NXPE2: variants seen among roughly 807,000 people sequenced by gnomAD.
NXPE2 encodes the protein neurexophilin and PC-esterase domain family member 2.
NXPE2 carries 34 observed loss-of-function variants against 34.4 expected under a neutral mutation model. The ratio of observed to expected loss-of-function variants is 0.99; its 90% CI spans 0.75 to 1.31. The LOEUF is 1.31. Ranked by LOEUF, NXPE2 falls within the 40% of genes most tolerant of loss-of-function variation. The pLI is 0.00. For synonymous variants in NXPE2, 235 were observed against 231.3 expected, an observed-to-expected ratio of 1.02 and a Z score of -0.15; for missense variants, 649 against 672.5, an observed-to-expected ratio of 0.97 and a Z score of 0.39.
the NXPE2 span, among the ~76,000 whole-genome samples, chr11:114,639,042 T>A: frequency 6.6e-6 from 1 of 152,058 alleles, no homozygotes; most frequent in Non-Finnish European, 1.5e-5. Flanking sequence ...CTGCTGTCTT[T>A]TTGTTTGTCT....
the NXPE2 span, among the ~76,000 whole-genome samples, chr11:114,493,313 C>G: frequency 5.1e-3 from 777 of 152,196 alleles, 7 homozygotes; most frequent in African/African-American, 0.018. Flanking sequence ...CATTTACATT[C>G]AATGTTATTA....
chr11:114,479,248 C>G, the NXPE2 span, among the ~76,000 whole-genome samples: 1 of 152,084 alleles, frequency 6.6e-6, no homozygotes, highest in African/African-American at 2.4e-5. Context: ...AGCCTTTGAA[C>G]GTTTTAAAGC....
At chr11:114,710,258 G>A (rs1163742920), downstream of NXPE2, among the ~76,000 whole-genome samples, 1 of 152,022 alleles carries the variant, frequency 6.6e-6, no homozygotes, top group African/African-American at 2.4e-5. Context: ...TTAGAACAGA[G>A]ATAAAGGAAA....
chr11:114,514,302 A>G, the NXPE2 span, among the ~76,000 whole-genome samples: 2 of 152,164 alleles, frequency 1.3e-5, no homozygotes, highest in East Asian at 3.8e-4. Context: ...TGAAAGTATA[A>G]TCTTGTATTT....
the NXPE2 span, among the ~76,000 whole-genome samples, chr11:114,650,748 T>C: frequency 1.3e-5 from 2 of 151,770 alleles, no homozygotes; most frequent in Admixed American, 6.6e-5. Context: ...CAAGGCAGAG[T>C]GCGGTTGCCA....
the NXPE2 span, among the ~76,000 whole-genome samples, chr11:114,601,828 A>G: frequency 2.7e-5 from 2 of 74,478 alleles, no homozygotes; most frequent in East Asian, 8.6e-4. Context: ...TATATAATAT[A>G]TAATTATATA....
the NXPE2 span, among the ~76,000 whole-genome samples, chr11:114,607,513 C>A: frequency 6.6e-6 from 1 of 151,936 alleles, no homozygotes; most frequent in Non-Finnish European, 1.5e-5. Flanking sequence ...CTAAGTTTTG[C>A]CTGGTGGGTA....
the NXPE2 span, among the ~76,000 whole-genome samples, chr11:114,718,169 G>A: frequency 6.6e-6 from 1 of 152,258 alleles, no homozygotes; most frequent in African/African-American, 2.4e-5. Context: ...GCTCTGAATA[G>A]CCTGGATTCA....
At chr11:114,576,573 A>G in the NXPE2 span, among the ~76,000 whole-genome samples, 9 of 152,224 alleles carry the variant, frequency 5.9e-5, no homozygotes, top group African/African-American at 1.9e-4. Context: ...AGATATACAG[A>G]TGGTGAACAA....
chr11:114,693,951 G>A (rs1951200636), intron 2 of NXPE2, among the ~76,000 whole-genome samples: 1 of 152,142 alleles, frequency 6.6e-6, no homozygotes, highest in African/African-American at 2.4e-5. Context: ...GGATCTCACT[G>A]GGCTAAAATC....
chr11:114,746,196 A>G, the NXPE2 span, among the ~76,000 whole-genome samples: 1 of 151,912 alleles, frequency 6.6e-6, no homozygotes, highest in Non-Finnish European at 1.5e-5. Flanking sequence ...AATTTTTCGC[A>G]GTCATGTTGT....
chr11:114,634,617 A>T, the NXPE2 span, among the ~76,000 whole-genome samples: 4 of 151,982 alleles, frequency 2.6e-5, no homozygotes, highest in Non-Finnish European at 5.9e-5. Context: ...TAAGTCTTTA[A>T]TACATTTTGA....
upstream of NXPE2, among the ~76,000 whole-genome samples, chr11:114,677,464 A>G (rs1418897048): frequency 2.6e-5 from 4 of 152,080 alleles, no homozygotes; most frequent in Non-Finnish European, 4.4e-5. Flanking sequence ...TATAACTGTC[A>G]TAACACTGCA....
the NXPE2 span, among the ~76,000 whole-genome samples, chr11:114,755,264 G>A: frequency 1.3e-5 from 2 of 152,122 alleles, no homozygotes; most frequent in Non-Finnish European, 2.9e-5. Flanking sequence ...CTGTGTGGGG[G>A]ATGTACTAAG....
chr11:114,593,094 A>G, the NXPE2 span, among the ~76,000 whole-genome samples: 1 of 152,184 alleles, frequency 6.6e-6, no homozygotes, highest in Non-Finnish European at 1.5e-5. Context: ...CCTAGGGAAT[A>G]CTGTTCAGGA....
the NXPE2 span, among the ~76,000 whole-genome samples, chr11:114,650,096 C>T: frequency 2.0e-5 from 3 of 152,072 alleles, no homozygotes; most frequent in African/African-American, 7.2e-5. Flanking sequence ...AGGTAATATA[C>T]AAAAGTGTAA....
At chr11:114,712,236 T>A in the NXPE2 span, among the ~76,000 whole-genome samples, 1 of 152,106 alleles carries the variant, frequency 6.6e-6, no homozygotes, top group Non-Finnish European at 1.5e-5. Context: ...GGACAGTAAT[T>A]TCTTGGCTAT....
chr11:114,610,602 A>T, the NXPE2 span, among the ~76,000 whole-genome samples: 1 of 151,566 alleles, frequency 6.6e-6, no homozygotes, highest in Non-Finnish European at 1.5e-5. Flanking sequence ...CTCGTGGTTA[A>T]CCACTGTTAC....
chr11:114,550,316 A>G, the NXPE2 span, among the ~76,000 whole-genome samples: 1 of 152,176 alleles, frequency 6.6e-6, no homozygotes, highest in Admixed American at 6.6e-5. Context: ...GCTCTACTAG[A>G]TATTAAAACT....
Sources: allele counts gnomAD v4.1 joint callset (sites outside exome capture counted in the v4.1 genomes callset), GRCh38; gene constraint gnomAD v4.1.1; transcripts MANE v1.5; gene names NCBI Gene and HGNC (gene_info 2026-07-23, HGNC 2026-07-21).